Variants in USP6NL observed in about 807,000 individuals in gnomAD.
USP6NL encodes USP6 N-terminal-like protein.
USP6NL carries 26 observed loss-of-function variants against 61.9 expected under a neutral mutation model. The observed-to-expected ratio is 0.42, with a 90% CI of 0.31 to 0.58. USP6NL has a LOEUF of 0.58. Among genes scored for constraint, USP6NL ranks in the 20% least tolerant of loss-of-function variants. The probability of loss-of-function intolerance (pLI) is 0.16; values close to 1 mark genes in which losing one functional copy is unlikely to be tolerated. For synonymous variants in USP6NL, 432 were observed against 390.1 expected, an observed-to-expected ratio of 1.11 and a Z score of -1.27; for missense variants, 1,114 against 1,034.3, an observed-to-expected ratio of 1.08 and a Z score of -1.06.
rs1453617599 is a variant in USP6NL, at chr10:11,496,156, C to T, written c.385-2928G>A. 6.6e-6 allele frequency among the ~76,000 whole-genome samples: 1 copy of T among 152,232 alleles called. No homozygotes were observed. On this transcript the variant is annotated intron_variant, in intron 7 of 14. Coordinates refer to ENST00000609104, the MANE Select transcript of USP6NL (RefSeq NM_014688.5). This position sits in a 1 kb window ranked among gnomAD's most constrained non-coding sequence, Gnocchi z 5.4. ...ACCCTCAGCAAGGTCTGCGTTTTCC[C>T]TAGTCCAGAGGCCCTCTGTTTCATC...
rs193273089 is a variant in USP6NL at position 11,465,277 on chromosome 10, A to G, written c.1079-1428T>C. The stretch of plus-strand genomic sequence containing the variant: ...TTCCATCAGACAGCAATATCAGCCA[A>G]TCATCAAAACATCCTTTTCAGGTTA... On this transcript the variant is annotated intron_variant, in intron 14 of 14. Transcript: ENST00000609104. This position sits in a 1 kb window ranked among gnomAD's most constrained non-coding sequence, Gnocchi z 4.5. Among the ~76,000 whole-genome samples the G allele has an allele frequency of 7.1e-4, 108 of 152,360 alleles. No homozygotes were observed. The Middle Eastern group carries it at 0.01, about 14-fold the overall frequency.
chr10:11,596,502 T>TA lies in USP6NL; in HGVS notation c.4+1128dup, dbSNP rs528131009. The stretch of plus-strand genomic sequence containing the variant: ...AGCTGGGCCTGGTGGCGGGCGCCTG[T>TA]AGTCCCAGCTACTCGGGAGGCTGAG... On this transcript the variant is annotated intron_variant, in intron 2 of 14. Transcript: ENST00000609104. This position sits in a 1 kb window ranked among gnomAD's most constrained non-coding sequence, Gnocchi z 4.1. Among the ~76,000 whole-genome samples, 6 of 152,020 alleles carry TA rather than the reference T, an allele frequency of 3.9e-5. No homozygotes were observed. The South Asian group carries it at 1.2e-3, about 32-fold the overall frequency.
intron 7 of USP6NL, among the ~76,000 whole-genome samples, chr10:11,497,677 G>A (rs558976225): frequency 6.6e-6 from 1 of 152,198 alleles, no homozygotes; most frequent in South Asian, 2.1e-4. Flanking sequence ...AAAAGCCCGG[G>A]TAAGTATGTA....
chr10:11,565,228 C>A (rs573752466), intron 2 of USP6NL: 3 of 151,992 alleles, frequency 2.0e-5, no homozygotes, highest in African/African-American at 7.3e-5. Flanking sequence ...TAAACATATG[C>A]GATACACACT....
At chr10:11,593,640 G>A (rs1239181406) in intron 2 of USP6NL, among the ~76,000 whole-genome samples, 2 of 152,146 alleles carry the variant, frequency 1.3e-5, no homozygotes, top group Non-Finnish European at 2.9e-5. Flanking sequence ...CATACTAACA[G>A]CATCATACAG....
rs765322604 is a variant in USP6NL, at chr10:11,462,836, T to G, written c.2092A>C (p.Ile698Leu). Residue 698 changes from isoleucine to leucine, a missense_variant, in exon 15 of 15, where the codon ATA (isoleucine) becomes CTA (leucine). Physicochemically the swap from Ile to Leu is conservative, Grantham distance 5. Transcript: ENST00000609104. ...PSPLVLPSSR[I>L]EVLPVDTGAG... ...CCAGTGTCAACAGGGAGGACTTCTA[T>G]TCGACTAGACGGCAGTACAAGGGGG... 1.2e-6 allele frequency: 2 copies of G among 1,613,986 alleles called. No individual in the cohort carries two copies. Among genetic ancestry groups the G allele is most frequent in the Non-Finnish European group, 1.7e-6 (2 of 1,179,896 alleles).
intron 2 of USP6NL, among the ~76,000 whole-genome samples, chr10:11,555,433 A>AAAATATATAT (rs1275798295): frequency 4.1e-5 from 2 of 49,024 alleles, no homozygotes; most frequent in Non-Finnish European, 6.8e-5. Flanking sequence ...AAAAAAAAAA[A>AAAATATATAT]ATATATATAT....
Position 11,490,208 on chromosome 10 carries a change from C to T in USP6NL, c.543+624G>A, listed in dbSNP as rs1833650777. Among the ~76,000 whole-genome samples the T allele has an allele frequency of 6.6e-6, 1 of 152,214 alleles. No individual in the cohort carries two copies. Among genetic ancestry groups the T allele is most frequent in the Admixed American group, 6.5e-5 (1 of 15,284 alleles). On this transcript the variant is annotated intron_variant, in intron 9 of 14. Coordinates refer to ENST00000609104, the MANE Select transcript of USP6NL (RefSeq NM_014688.5). The surrounding 1 kb of genome is among the most constrained non-coding windows in gnomAD (Gnocchi z 4.5). ...GGTTTTAACTACAATAGAAATTATACATCCCAAGGTTCAAAGGTCCTCCCT... is the reference window on the plus strand; with the variant it reads ...GGTTTTAACTACAATAGAAATTATATATCCCAAGGTTCAAAGGTCCTCCCT...
intron 2 of USP6NL, among the ~76,000 whole-genome samples, chr10:11,539,401 G>A (rs1341155819): frequency 6.6e-6 from 1 of 152,234 alleles, no homozygotes. Flanking sequence ...TCAAGGAAAA[G>A]AAACAGTATC....
chr10:11,501,159 A>G lies in USP6NL; in HGVS notation c.326T>C (p.Val109Ala). Residue 109 changes from valine to alanine, a missense_variant, in exon 7 of 15, where the codon GTC becomes GCC. Transcript: ENST00000609104. The part of the protein sequence containing the change: ...KGIPLQLRGE[V>A]WALLLEIPKM... ...AGGGATCTCAAGAAGGAGGGCCCAG[A>G]CTTCACCTCTGAGCTGGAGTGGTAT... is the stretch of plus-strand genomic sequence containing the variant. The G allele has an allele frequency of 6.2e-7, 1 of 1,613,512 alleles. No homozygotes were observed. Among genetic ancestry groups the G allele is most frequent in the Non-Finnish European group, 8.5e-7 (1 of 1,179,726 alleles).
intron 2 of USP6NL, among the ~76,000 whole-genome samples, chr10:11,530,911 A>C (rs1347042643): frequency 6.6e-6 from 1 of 152,190 alleles, no homozygotes; most frequent in Non-Finnish European, 1.5e-5. Context: ...CATTCTGATT[A>C]CTTATTTAGA....
At chr10:11,557,923 T>C (rs1219954549) in intron 2 of USP6NL, among the ~76,000 whole-genome samples, 11 of 151,986 alleles carry the variant, frequency 7.2e-5, no homozygotes, top group African/African-American at 2.7e-4. Context: ...TGAAAATAGG[T>C]ATGGAGAAGA....
intron 1 of USP6NL, among the ~76,000 whole-genome samples, chr10:11,607,529 T>C (rs1838747642): frequency 6.6e-6 from 1 of 151,860 alleles, no homozygotes; most frequent in Admixed American, 6.6e-5. Context: ...ACCAAAAAAA[T>C]ACGGAAATTA....
At position 11,499,191 on chromosome 10, in the gene USP6NL, G is replaced by C. The variant is rs565920526; in HGVS notation, c.384+1910C>G. Among the ~76,000 whole-genome samples, 1 of 152,134 alleles carries C rather than the reference G, an allele frequency of 6.6e-6. No individual in the cohort carries two copies. The highest frequency in any genetic ancestry group is 1.5e-5 in the Non-Finnish European group (1 of 68,014). The stretch of plus-strand genomic sequence containing the variant: ...GGATGTGTGGAGAGAGAGAGAAAGA[G>C]TGGATGAGAAAGGAAAAAAAAGTTG... On this transcript the variant is annotated intron_variant, in intron 7 of 14. Coordinates refer to ENST00000609104, the MANE Select transcript of USP6NL (RefSeq NM_014688.5). The surrounding 1 kb of genome is among the most constrained non-coding windows in gnomAD (Gnocchi z 4.5).
chr10:11,498,461 C>T (rs1175794171), intron 7 of USP6NL, among the ~76,000 whole-genome samples: 2 of 151,620 alleles, frequency 1.3e-5, no homozygotes, highest in East Asian at 1.9e-4. Context: ...GATAGTAAAT[C>T]CTACCCCTGC....
At chr10:11,568,447 A>C (rs180737235) in intron 2 of USP6NL, among the ~76,000 whole-genome samples, 1 of 152,264 alleles carries the variant, frequency 6.6e-6, no homozygotes, top group East Asian at 1.9e-4. Flanking sequence ...CCCTCTCACC[A>C]CATTCTAATG....
At chr10:11,584,229 A>G (rs1837890574) in intron 2 of USP6NL, among the ~76,000 whole-genome samples, 1 of 152,216 alleles carries the variant, frequency 6.6e-6, no homozygotes. Flanking sequence ...CAAAGCATTT[A>G]GCTCTGTGTG....
Position 11,596,200 on chromosome 10 carries a change from C to T in USP6NL, c.4+1431G>A, listed in dbSNP as rs1429379032. ...TTATTTCACTTTCCAAAAATGTAAG[C>T]GTTTTTAAGTTAAAATGCTTGCCAT... On this transcript the variant is annotated intron_variant, in intron 2 of 14. Coordinates refer to ENST00000609104, the MANE Select transcript of USP6NL (RefSeq NM_014688.5). The surrounding 1 kb of genome is among the most constrained non-coding windows in gnomAD (Gnocchi z 4.1). Among the ~76,000 whole-genome samples the T allele has an allele frequency of 1.3e-5, 2 of 152,180 alleles. No individual in the cohort carries two copies. The highest frequency in any genetic ancestry group is 2.9e-5 in the Non-Finnish European group (2 of 68,026).
intron 1 of USP6NL, among the ~76,000 whole-genome samples, chr10:11,607,351 C>T (rs1838740824): frequency 6.6e-6 from 1 of 152,110 alleles, no homozygotes; most frequent in African/African-American, 2.4e-5. Context: ...GAACAAAAAA[C>T]CTAGAGCCAA....
Sources: gnomAD v4.1 joint callset for allele counts (sites outside exome capture counted in the v4.1 genomes callset) on GRCh38, gnomAD v4.1.1 for gene constraint, Gnocchi (gnomAD v3.1) non-coding constraint, MANE v1.5 for transcripts, NCBI Gene and HGNC (gene_info 2026-07-23, HGNC 2026-07-21) for gene names.